Variants in NLRP3 observed in about 807,000 individuals in gnomAD.
NLRP3 encodes NLR family pyrin domain containing 3.
In NLRP3, 48 loss-of-function variants were observed where a neutral mutation model predicts 91.3. The ratio of observed to expected loss-of-function variants is 0.53; its 90% confidence interval spans 0.42 to 0.67. The LOEUF is 0.67. NLRP3 is among the 30% of genes least tolerant of loss of function. NLRP3 has a pLI of 0.00. For missense variants in NLRP3, 982 were observed against 1,276.9 expected (o/e 0.77, Z 3.52); for synonymous variants, 561 against 507.9 (o/e 1.10, Z -1.41).
intron 1 of NLRP3, among the ~76,000 whole-genome samples, chr1:247,416,919 G>T (rs1443779445): frequency 6.6e-6 from 1 of 152,166 alleles, no homozygotes; most frequent in African/African-American, 2.4e-5. Context: ...GTTATTTATG[G>T]CTTTAGGTTG....
chr1:247,431,527 C>T (rs1357488157), intron 5 of NLRP3, among the ~76,000 whole-genome samples: 5 of 152,196 alleles, frequency 3.3e-5, no homozygotes, highest in Non-Finnish European at 7.3e-5. Context: ...CCTGGACACG[C>T]AGTGACCTCC....
chr1:247,436,198 T>C, intron 7 of NLRP3, 58 bp downstream of exon 7: 1 of 1,547,548 alleles, frequency 6.5e-7, no homozygotes. Context: ...GTGAATTATT[T>C]GGAAAATGTG....
chr1:247,430,397 A>G (rs1183124373), intron 5 of NLRP3, among the ~76,000 whole-genome samples: 1 of 151,538 alleles, frequency 6.6e-6, no homozygotes, highest in Non-Finnish European at 1.5e-5. Flanking sequence ...CTCTTCTTAC[A>G]GGGACAGCAG....
chr1:247,436,795 A>G (rs1025529714), intron 7 of NLRP3, among the ~76,000 whole-genome samples: 3 of 152,174 alleles, frequency 2.0e-5, no homozygotes, highest in Non-Finnish European at 4.4e-5. Context: ...TCATGTTGGA[A>G]TTCTGCAGTA....
chr1:247,423,121 T>G (rs1164984267), intron 2 of NLRP3, 109 bp from the exon 3 acceptor site: 2 of 1,458,764 alleles, frequency 1.4e-6, no homozygotes, highest in African/African-American at 1.4e-5. Context: ...ATGTTTTGAT[T>G]TGGGGGATGT....
intron 2 of NLRP3, among the ~76,000 whole-genome samples, chr1:247,420,077 T>C (rs1662345413): frequency 6.6e-6 from 1 of 152,204 alleles, no homozygotes; most frequent in Non-Finnish European, 1.5e-5. Context: ...ACGTTATTTT[T>C]ATTTATTTTT....
rs978184485 is a variant in NLRP3, at chr1:247,418,992, G to A, written c.192G>A (p.Lys64=). 1.2e-6 allele frequency: 2 copies of A among 1,614,134 alleles called. No individual in the cohort carries two copies. Among genetic ancestry groups the A allele is most frequent in the Non-Finnish European group, 1.7e-6 (2 of 1,180,034 alleles). ...TLMIDFNGEE[K]AWAMAVWIFA... is the part of the protein sequence containing the mutation. ...TGATCGACTTCAATGGGGAGGAGAA[G>A]GCGTGGGCCATGGCCGTGTGGATCT... The change falls in exon 2 of 10, where the codon AAG becomes AAA. Residue 64 remains lysine, a synonymous_variant. Transcript: ENST00000336119.
At position 247,423,853 on chromosome 1, in the gene NLRP3, G is replaced by A. The variant is rs138946894; in HGVS notation, c.404G>A (p.Arg135His). Residue 135 changes from arginine (R) to histidine (H), a missense_variant, in exon 4 of 10, where the codon CGT (arginine) becomes CAT (histidine). By Grantham distance (29) the Arg-to-His change is conservative. Coordinates refer to ENST00000336119, the MANE Select transcript of NLRP3 (RefSeq NM_001243133.2). ...ISICKMKKDYRKKYRKYVRSR... is the reference protein window; with the variant it reads ...ISICKMKKDYHKKYRKYVRSR... ...CTTCCTGTCTTTGCCGTAGATTACCGTAAGAAGTACAGAAAGTACGTGAGA... is the reference window on the plus strand; with the variant it reads ...CTTCCTGTCTTTGCCGTAGATTACCATAAGAAGTACAGAAAGTACGTGAGA... 2.6e-4 allele frequency: 414 copies of A among 1,613,566 alleles called. No individual in the cohort carries two copies. Among genetic ancestry groups the A allele is most frequent in the Non-Finnish European group, 3.2e-4 (378 of 1,179,874 alleles).
chr1:247,417,008 C>T (rs957212703), intron 1 of NLRP3, among the ~76,000 whole-genome samples: 5 of 152,142 alleles, frequency 3.3e-5, no homozygotes, highest in African/African-American at 7.2e-5. Context: ...TTCATCCATC[C>T]GGACTCTAGG....
chr1:247,418,767 A>G lies in NLRP3; in HGVS notation c.-34A>G, dbSNP rs1448982932. 6.2e-7 allele frequency: 1 copy of G among 1,612,674 alleles called. No individual in the cohort carries two copies. Among genetic ancestry groups the G allele is most frequent in the Non-Finnish European group, 8.5e-7 (1 of 1,179,996 alleles). On this transcript the variant is annotated 5_prime_UTR_variant, in exon 2 of 10. Coordinates refer to ENST00000336119, the MANE Select transcript of NLRP3 (RefSeq NM_001243133.2). ...TGCCTGGTATCTTAGTGTGGACCGA[A>G]GCCTAAGGACCCTGAAAACAGCTGC...
At chr1:247,447,274 G>A (rs1206088742) in intron 9 of NLRP3, among the ~76,000 whole-genome samples, 2 of 152,154 alleles carry the variant, frequency 1.3e-5, no homozygotes, top group East Asian at 3.9e-4. Context: ...TTGCATGGAG[G>A]GAGGGGAGGC....
At chr1:247,423,423 G>T in intron 3 of NLRP3, 74 bp downstream of exon 3, 1 of 1,580,592 alleles carries the variant, frequency 6.3e-7, no homozygotes, top group South Asian at 1.1e-5. Context: ...CTGAGCAGCT[G>T]GGTAACTTGG....
intron 2 of NLRP3, among the ~76,000 whole-genome samples, chr1:247,421,321 C>A (rs547212761): frequency 2.8e-4 from 43 of 152,080 alleles, no homozygotes; most frequent in African/African-American, 9.9e-4. Context: ...CAGTGTGCAG[C>A]CGGGGGAGGT....
intron 4 of NLRP3, among the ~76,000 whole-genome samples, chr1:247,427,162 G>A (rs1370775819): frequency 6.6e-6 from 1 of 152,108 alleles, no homozygotes; most frequent in Non-Finnish European, 1.5e-5. Context: ...GTCCTTACAT[G>A]GTGAAGAGGC....
In NLRP3 at chr1:247,421,341, G is replaced by C. The variant is rs10754555; in HGVS notation, c.278-1889G>C. Among the ~76,000 whole-genome samples, 87,436 of 151,816 alleles carry C rather than the reference G, an allele frequency of 0.58. 25,408 individuals are homozygous for C. Among genetic ancestry groups the C allele is most frequent in the Middle Eastern group, 0.69 (203 of 294 alleles). On this transcript the variant is annotated intron_variant, in intron 2 of 9. Coordinates refer to ENST00000336119, the MANE Select transcript of NLRP3 (RefSeq NM_001243133.2). The stretch of plus-strand genomic sequence containing the variant: ...TGCAGCCGGGGGAGGTCAGAAACCA[G>C]TTGCTGCAATGGCTCTCACCTGTAG...
intron 5 of NLRP3, 79 bp downstream of exon 5, chr1:247,429,834 T>A (rs914356572): frequency 8.5e-5 from 131 of 1,547,852 alleles, no homozygotes; most frequent in Non-Finnish European, 1.1e-4. Flanking sequence ...GAGAAAGATC[T>A]TCAGGACCAG....
At position 247,425,583 on chromosome 1, in the gene NLRP3, G is replaced by C; in HGVS notation, c.2134G>C (p.Ala712Pro). The change falls in exon 4 of 10, where the codon GCT (alanine) becomes CCT (proline). Residue 712 changes from alanine to proline, a missense_variant. Ala to Pro is a conservative substitution (Grantham distance 27). Coordinates refer to ENST00000336119, the MANE Select transcript of NLRP3 (RefSeq NM_001243133.2). The surrounding 1 kb of genome is among the most constrained non-coding windows in gnomAD (Gnocchi z 4.1). Reference protein sequence around the residue: ...VQCVLPSSSHAACSHGLVNSH... With the variant: ...VQCVLPSSSHPACSHGLVNSH... Reference sequence around the variant, plus strand: ...GTGTGTCCTCCCAAGCTCCTCTCATGCTGCCTGTTCTCATGGGTAAGGAAA... The same window carrying C: ...GTGTGTCCTCCCAAGCTCCTCTCATCCTGCCTGTTCTCATGGGTAAGGAAA... 6.2e-7 allele frequency: 1 copy of C among 1,607,056 alleles called. No individual in the cohort carries two copies. Among genetic ancestry groups the C allele is most frequent in the Non-Finnish European group, 8.5e-7 (1 of 1,179,984 alleles).
At chr1:247,432,839 C>T (rs761997576) in intron 5 of NLRP3, among the ~76,000 whole-genome samples, 5 of 151,794 alleles carry the variant, frequency 3.3e-5, no homozygotes, top group South Asian at 2.1e-4. Flanking sequence ...GTGGTGGTGA[C>T]GGTGGTAGTG....
rs577683668 is a variant in NLRP3, at chr1:247,444,040, A to G, written c.2732A>G (p.Asn911Ser). 2.9e-5 allele frequency: 46 copies of G among 1,614,004 alleles called. No homozygotes were observed. Among genetic ancestry groups the G allele is most frequent in the Middle Eastern group, 1.6e-4 (1 of 6,084 alleles). Reference sequence around the variant, plus strand: ...TCCTCGGTACTCAGCACTAATCAGAATCTCACGCACCTTTACCTGCGAGGC... The same window carrying G: ...TCCTCGGTACTCAGCACTAATCAGAGTCTCACGCACCTTTACCTGCGAGGC... ...ALSSVLSTNQ[N>S]LTHLYLRGNT... Residue 911 changes from asparagine (N) to serine (S), a missense_variant, in exon 8 of 10, where the codon AAT (asparagine) becomes AGT (serine). This residue lies in a region of NLRP3 where 373 missense variants were observed against 431.5 expected (regional missense o/e 0.86). Transcript: ENST00000336119.
Sources: allele counts gnomAD v4.1 joint callset (sites outside exome capture counted in the v4.1 genomes callset), GRCh38; gene constraint gnomAD v4.1.1; regional missense constraint gnomAD v4.1.1; non-coding constraint Gnocchi (gnomAD v3.1); transcripts MANE v1.5; gene names NCBI Gene and HGNC (gene_info 2026-07-23, HGNC 2026-07-21).